MIER2: variants seen among roughly 807,000 people sequenced by gnomAD.
The protein encoded by MIER2 is mesoderm induction early response protein 2.
Under a neutral mutation model 67.6 loss-of-function variants are expected in MIER2, and 30 were observed. The ratio of observed to expected loss-of-function variants is 0.44; its 90% CI spans 0.33 to 0.60. The LOEUF is 0.60. Among genes scored for constraint, MIER2 ranks in the 20% least tolerant of loss-of-function variants. MIER2 has a pLI of 0.02. For missense variants in MIER2, 702 were observed against 745.1 expected (o/e 0.94, Z 0.67); for synonymous variants, 372 against 312.6 (o/e 1.19, Z -2.00).
Position 306,727 on chromosome 19 carries a change from C to G in MIER2, c.1617-16G>C, listed in dbSNP as rs1970668494. On this transcript the variant is annotated splice_polypyrimidine_tract_variant and intron_variant, in intron 13 of 13. Transcript: ENST00000264819. The stretch of plus-strand genomic sequence containing the variant: ...CACGTTACAGCTGCAGGGGAGAGAC[C>G]AAGAGAGACGCAGAGAGTGTCAGTG... 1 of 1,558,768 alleles carries G rather than the reference C, an allele frequency of 6.4e-7. No homozygotes were observed. The highest frequency in any genetic ancestry group is 8.7e-7 in the Non-Finnish European group (1 of 1,151,428).
intron 7 of MIER2, among the ~76,000 whole-genome samples, chr19:318,634 A>T (rs1286642057): frequency 6.6e-6 from 1 of 152,202 alleles, no homozygotes; most frequent in Non-Finnish European, 1.5e-5. Flanking sequence ...AGCACAGCAC[A>T]CTCTCTTCAA....
chr19:317,419 C>G (rs982407195), intron 7 of MIER2, among the ~76,000 whole-genome samples: 8 of 142,740 alleles, frequency 5.6e-5, no homozygotes, highest in Admixed American at 5.6e-4. Flanking sequence ...CCCAGCTACT[C>G]AGGAGGCTGA....
Position 334,385 on chromosome 19 carries a change from A to G in MIER2, c.243+15T>C, listed in dbSNP as rs746083629. 6 of 1,613,796 alleles carry G rather than the reference A, an allele frequency of 3.7e-6. No homozygotes were observed. The African/African-American group carries it at 8.0e-5, about 22-fold the overall frequency. ...CTCCACCCAACACAGGGGCAGGATC[A>G]CCTTGGCCAAGTACCTGGGAGATGA... On this transcript the variant is annotated intron_variant, in intron 3 of 13. Coordinates refer to ENST00000264819, the MANE Select transcript of MIER2 (RefSeq NM_017550.3).
At position 306,657 on chromosome 19, in the gene MIER2, G is replaced by C; in HGVS notation, c.*33C>G. On this transcript the variant is annotated 3_prime_UTR_variant, in exon 14 of 14. Coordinates refer to ENST00000264819, the MANE Select transcript of MIER2 (RefSeq NM_017550.3). ...GGGCCCAGCGGCAGCGCTAAGTCCA[G>C]TCTGGGCCGCATACGCCGCCCGCGG... is the stretch of plus-strand genomic sequence containing the variant. 1 of 1,551,882 alleles carries C rather than the reference G, an allele frequency of 6.4e-7. No homozygotes were observed. The highest frequency in any genetic ancestry group is 8.7e-7 in the Non-Finnish European group (1 of 1,147,376).
chr19:343,720 G>A, intron 1 of MIER2: 1 of 542,456 alleles, frequency 1.8e-6, no homozygotes, highest in South Asian at 8.1e-5. Context: ...CAGCTCTTGA[G>A]TCTGCCCGCC....
Position 325,645 on chromosome 19 carries a change from G to A in MIER2, c.645C>T (p.His215=), listed in dbSNP as rs1298647282. 1 of 1,614,092 alleles carries A rather than the reference G, an allele frequency of 6.2e-7. No individual in the cohort carries two copies. Among genetic ancestry groups the A allele is most frequent in the Non-Finnish European group, 8.5e-7 (1 of 1,180,032 alleles). The change falls in exon 7 of 14, where the codon CAC becomes CAT. Residue 215 remains histidine (H), a synonymous_variant. Transcript: ENST00000264819. ...ADLSNLHLNR[H]CEKIYENEDQ... is the part of the protein sequence containing the mutation. ...CCAGGCCCTACTTACTCTTCTCACA[G>A]TGCCGGTTCAAGTGCAGGTTGCTGA...
intron 7 of MIER2, 64 bp downstream of exon 7, chr19:325,571 C>T (rs1381990359): frequency 4.4e-6 from 7 of 1,578,106 alleles, no homozygotes; most frequent in Non-Finnish European, 6.1e-6. Context: ...AAGGATCTGA[C>T]GTCCAGCCAG....
intron 7 of MIER2, among the ~76,000 whole-genome samples, chr19:321,009 A>T (rs1403743972): frequency 6.6e-6 from 1 of 152,198 alleles, no homozygotes; most frequent in East Asian, 1.9e-4. Context: ...AGGCACAAGG[A>T]TGTGAAAAAC....
In MIER2 at chr19:327,188, G is replaced by C; in HGVS notation, c.438C>G (p.Leu146=). ...EEETQSSADD[L]TPSVTSHEAS... ...CCTCGTGGGAGGTCACGGACGGGGT[G>C]AGGTCGTCAGCAGATGATTGCGTCT... The change falls in exon 5 of 14, where the codon CTC becomes CTG. Residue 146 remains leucine, a synonymous_variant. Coordinates refer to ENST00000264819, the MANE Select transcript of MIER2 (RefSeq NM_017550.3). 1 of 1,597,614 alleles carries C rather than the reference G, an allele frequency of 6.3e-7. No individual in the cohort carries two copies. Among genetic ancestry groups the C allele is most frequent in the African/African-American group, 1.4e-5 (1 of 73,148 alleles).
Position 342,119 on chromosome 19 carries a change from C to T in MIER2, c.9+2655G>A, listed in dbSNP as rs141823341. 7.0e-3 allele frequency among the ~76,000 whole-genome samples: 1,059 copies of T among 152,296 alleles called. 27 individuals carry two copies. The highest frequency in any genetic ancestry group is 0.042 in the Admixed American group (648 of 15,298). On this transcript the variant is annotated intron_variant, in intron 1 of 13. Coordinates refer to ENST00000264819, the MANE Select transcript of MIER2 (RefSeq NM_017550.3). ...CTAAGAGCCATGCTTGACCCTCCTC[C>T]CACCCACACCAACTCAAGTGCCAGG...
chr19:317,535 T>A (rs530781748), intron 7 of MIER2, among the ~76,000 whole-genome samples: 13 of 138,598 alleles, frequency 9.4e-5, no homozygotes, highest in Admixed American at 2.1e-4. Flanking sequence ...TCAGAAAAAA[T>A]AAATAAATAA....
chr19:308,512 G>T lies in MIER2; in HGVS notation c.1198+65C>A, dbSNP rs916653907. The T allele has an allele frequency of 2.7e-6, 4 of 1,482,350 alleles. No individual in the cohort carries two copies. The East Asian group carries it at 9.9e-5, about 37-fold the overall frequency. 91.8% of individuals were successfully genotyped at this position (1,482,350 alleles called of 1,614,324 possible). A position where few individuals can be genotyped will look rare whatever the true frequency, so the allele number is the denominator to read the frequency against. ...GGCGCCAGGCAGGAGAGGCTCCACC[G>T]GGCCTCACTCACGGCTCCAGACCCG... On this transcript the variant is annotated intron_variant, in intron 12 of 13. Transcript: ENST00000264819. This position sits in a 1 kb window ranked among gnomAD's most constrained non-coding sequence, Gnocchi z 9.1.
At chr19:324,934 C>T (rs1033060163) in intron 7 of MIER2, among the ~76,000 whole-genome samples, 5 of 152,232 alleles carry the variant, frequency 3.3e-5, no homozygotes, top group Non-Finnish European at 1.5e-5. Context: ...ACACGGGGCA[C>T]CCCCGACCAG....
intron 7 of MIER2, among the ~76,000 whole-genome samples, chr19:314,696 C>G (rs959730683): frequency 6.6e-6 from 1 of 151,954 alleles, no homozygotes; most frequent in Non-Finnish European, 1.5e-5. Flanking sequence ...GACACCTGAG[C>G]CCTGCTTGGA....
intron 7 of MIER2, among the ~76,000 whole-genome samples, chr19:317,490 G>A (rs1462713225): frequency 6.6e-6 from 1 of 151,570 alleles, no homozygotes; most frequent in Non-Finnish European, 1.5e-5. Flanking sequence ...TCGCGCCACT[G>A]CACTCCAACC....
chr19:337,770 G>A (rs1243414069), intron 1 of MIER2, among the ~76,000 whole-genome samples: 1 of 150,940 alleles, frequency 6.6e-6, no homozygotes, highest in African/African-American at 2.4e-5. Flanking sequence ...TCAGGAGGCT[G>A]AGGCAGGAGA....
chr19:328,086 G>A, intron 3 of MIER2, 97 bp from the exon 4 acceptor site: 1 of 1,534,964 alleles, frequency 6.5e-7, no homozygotes, highest in Non-Finnish European at 8.8e-7. Flanking sequence ...CACAACCAGG[G>A]CCACTCTGTC....
At chr19:327,464 CAGTT>C (rs1384540172) in intron 4 of MIER2, among the ~76,000 whole-genome samples, 1 of 152,342 alleles carries the variant, frequency 6.6e-6, no homozygotes, top group Non-Finnish European at 1.5e-5. Flanking sequence ...GAGCTGGAGA[CAGTT>C]AGAGCTGCCA....
chr19:308,718 C>A lies in MIER2; in HGVS notation c.1110-53G>T. On this transcript the variant is annotated intron_variant, in intron 11 of 13. Transcript: ENST00000264819. The surrounding 1 kb of genome is among the most constrained non-coding windows in gnomAD (Gnocchi z 9.1). Reference sequence around the variant, plus strand: ...GGCAGACAGGACAGACGCCCCCACCCAAGAGGTGCCGCCCAGGCGCCCACG... The same window carrying A: ...GGCAGACAGGACAGACGCCCCCACCAAAGAGGTGCCGCCCAGGCGCCCACG... The A allele has an allele frequency of 6.3e-7, 1 of 1,594,668 alleles. No homozygotes were observed. The highest frequency in any genetic ancestry group is 2.3e-5 in the East Asian group (1 of 44,256).
Sources: gnomAD v4.1 joint callset for allele counts (sites outside exome capture counted in the v4.1 genomes callset) on GRCh38, gnomAD v4.1.1 for gene constraint, Gnocchi (gnomAD v3.1) non-coding constraint, MANE v1.5 for transcripts, NCBI Gene and HGNC (gene_info 2026-07-23, HGNC 2026-07-21) for gene names.